The following MYO5C variants were observed in gnomAD, a reference collection of about 807,000 sequenced individuals.
The protein encoded by MYO5C is unconventional myosin-Vc.
Under a neutral mutation model 235.7 loss-of-function variants are expected in MYO5C, and 194 were observed. The observed-to-expected ratio is 0.82, with a 90% CI of 0.73 to 0.93. MYO5C has a LOEUF of 0.93. Ranked by LOEUF, MYO5C falls within the 40% of genes least tolerant of loss-of-function variation. The pLI is 0.00. For synonymous variants in MYO5C, 707 were observed against 754.8 expected (o/e 0.94, Z 1.04); for missense variants, 2,038 against 2,127.2 (o/e 0.96, Z 0.82).
chr15:52,255,845 CT>C (rs1368067010), intron 11 of MYO5C, among the ~76,000 whole-genome samples: 1 of 151,934 alleles, frequency 6.6e-6, no homozygotes, highest in East Asian at 1.9e-4. Flanking sequence ...ACAGTATACA[CT>C]CAAAAACGTC....
At chr15:52,218,764 G>A (rs1161751542) in intron 31 of MYO5C, 77 bp from the exon 32 acceptor site, 1 of 1,466,078 alleles carries the variant, frequency 6.8e-7, no homozygotes, top group East Asian at 2.3e-5. Flanking sequence ...AGCAAGTGCT[G>A]ATATTTCCAA....
At chr15:52,204,116 G>C (rs1331195173) in intron 38 of MYO5C, among the ~76,000 whole-genome samples, 1 of 152,086 alleles carries the variant, frequency 6.6e-6, no homozygotes, top group Non-Finnish European at 1.5e-5. Flanking sequence ...TCTCAATTAA[G>C]AGATAGTAGA....
intron 23 of MYO5C, among the ~76,000 whole-genome samples, chr15:52,233,228 G>A (rs1294192919): frequency 2.1e-5 from 1 of 46,710 alleles, no homozygotes; most frequent in East Asian, 2.5e-4. Context: ...GCAGTGAGCC[G>A]AGATCCCGCC....
intron 21 of MYO5C, among the ~76,000 whole-genome samples, chr15:52,238,884 A>T (rs910925898): frequency 5.3e-5 from 8 of 150,786 alleles, no homozygotes; most frequent in African/African-American, 2.0e-4. Flanking sequence ...CTCGTGATCC[A>T]CCCGCCTCAG....
chr15:52,280,889 A>T (rs1357155080), intron 2 of MYO5C, among the ~76,000 whole-genome samples: 2 of 152,154 alleles, frequency 1.3e-5, no homozygotes, highest in Non-Finnish European at 2.9e-5. Flanking sequence ...TTCCTTGTCC[A>T]TGGCGGGGGT....
Position 52,239,764 on chromosome 15 carries a change from A to T in MYO5C, c.2672T>A (p.Val891Asp). Residue 891 changes from valine (V) to aspartate (D), a missense_variant, in exon 21 of 41, where the codon GTC (valine) becomes GAC (aspartate). Val to Asp is a radical substitution (Grantham distance 152, BLOSUM62 -3). Coordinates refer to ENST00000261839, the MANE Select transcript of MYO5C (RefSeq NM_018728.4). ...FVLNIQLTYR[V>D]QRLQKKLEDQ... ...TTCCAACTTTTTCTGCAAACGCTGG[A>T]CCCTGTAAGTAAGCTGAATATTAAG... 6.2e-7 allele frequency: 1 copy of T among 1,611,600 alleles called. No homozygotes were observed. The highest frequency in any genetic ancestry group is 8.5e-7 in the Non-Finnish European group (1 of 1,178,522).
chr15:52,224,837 A>C, intron 28 of MYO5C, 64 bp downstream of exon 28: 1 of 1,370,214 alleles, frequency 7.3e-7, no homozygotes, highest in South Asian at 1.2e-5. Context: ...TAAACTTTGG[A>C]CTTTCCAATA....
chr15:52,245,576 T>C, intron 17 of MYO5C, 111 bp from the exon 18 acceptor site: 1 of 787,870 alleles, frequency 1.3e-6, no homozygotes, highest in Non-Finnish European at 2.3e-6. Context: ...TGGTGCAATC[T>C]GTCCTGAGGA....
intron 1 of MYO5C, among the ~76,000 whole-genome samples, chr15:52,292,398 A>C (rs769935917): frequency 1.3e-5 from 2 of 152,224 alleles, no homozygotes; most frequent in Non-Finnish European, 2.9e-5. Context: ...CACTAAGAAC[A>C]TAGGTTTTCA....
At chr15:52,270,723 G>A (rs2036905439) in intron 7 of MYO5C, among the ~76,000 whole-genome samples, 1 of 151,328 alleles carries the variant, frequency 6.6e-6, no homozygotes, top group Middle Eastern at 3.2e-3. Context: ...TACATCTAAT[G>A]TTTAAATAGT....
In MYO5C at chr15:52,229,299, CTT is replaced by C. The variant is rs1216984328; in HGVS notation, c.3039_3040del (p.Ser1014PhefsTer2). 4 of 1,613,260 alleles carry C rather than the reference CTT, an allele frequency of 2.5e-6. No homozygotes were observed. The highest frequency in any genetic ancestry group is 2.5e-6 in the Non-Finnish European group (3 of 1,179,944). On this transcript the variant is annotated frameshift_variant, in exon 25 of 41. Transcript: ENST00000261839. LOFTEE classifies it high-confidence loss of function. Reference sequence around the variant, plus strand: ...ATAGTCTTGTGTTTTCAGTTCAAAACTTTTTTCAAGAAGCCTACGCAGCAAAA... The same window carrying C: ...ATAGTCTTGTGTTTTCAGTTCAAAACTTTTCAAGAAGCCTACGCAGCAAAA...
In MYO5C at chr15:52,242,137, C is replaced by T; in HGVS notation, c.2467G>A (p.Val823Ile). Residue 823 changes from valine to isoleucine, a missense_variant, in exon 20 of 41, where the codon GTT (valine) becomes ATT (isoleucine). Coordinates refer to ENST00000261839, the MANE Select transcript of MYO5C (RefSeq NM_018728.4). ...CGAATCAACTGATACAGGCTGCGAA[C>T]AAGATACCCGCGGCAGTGCTTCTGA... The part of the protein sequence containing the change: ...IIQKHCRGYL[V>I]RSLYQLIRMA... 2 of 1,614,216 alleles carry T rather than the reference C, an allele frequency of 1.2e-6. No homozygotes were observed. Among genetic ancestry groups the T allele is most frequent in the Non-Finnish European group, 1.7e-6 (2 of 1,180,022 alleles).
intron 23 of MYO5C, among the ~76,000 whole-genome samples, chr15:52,233,397 G>A (rs1399977848): frequency 1.3e-5 from 2 of 152,122 alleles, no homozygotes; most frequent in African/African-American, 4.8e-5. Context: ...TTGCTACTTT[G>A]GGCTGGATAA....
intron 9 of MYO5C, among the ~76,000 whole-genome samples, chr15:52,262,813 A>G (rs1275341134): frequency 6.6e-6 from 1 of 152,258 alleles, no homozygotes; most frequent in African/African-American, 2.4e-5. Context: ...TTTGAGGGAC[A>G]TGAAAACAGA....
intron 1 of MYO5C, among the ~76,000 whole-genome samples, chr15:52,284,839 C>CT (rs367736735): frequency 0.012 from 1,690 of 141,278 alleles, 33 homozygotes; most frequent in African/African-American, 0.036. Flanking sequence ...TTCTTTCTTT[C>CT]TTTTTTTTTT....
Position 52,279,593 on chromosome 15 carries a change from C to A in MYO5C, c.220G>T (p.Ala74Ser). The A allele has an allele frequency of 6.2e-7, 1 of 1,614,110 alleles. No individual in the cohort carries two copies. The highest frequency in any genetic ancestry group is 1.1e-5 in the South Asian group (1 of 91,076). The change falls in exon 3 of 41, where the codon GCT becomes TCT. Residue 74 changes from alanine to serine, a missense_variant. Physicochemically the swap from Ala to Ser is moderately conservative, Grantham distance 99. Coordinates refer to ENST00000261839, the MANE Select transcript of MYO5C (RefSeq NM_018728.4). ...GCGGGCTCGTGAAGATAGCTGAGAG[C>A]CGTGAGGTCATTCTCGCCCACGAGG... ...DILVGENDLT[A>S]LSYLHEPAVL...
rs757745677 is a variant in MYO5C at position 52,245,385 on chromosome 15, A to T, written c.2147T>A (p.Val716Glu). ...GAGTCTGTGTAAAACCACCTTGCACACCTCCTTTTTATCGCTGAAGGAAAG... is the reference window on the plus strand; with the variant it reads ...GAGTCTGTGTAAAACCACCTTGCACTCCTCCTTTTTATCGCTGAAGGAAAG... ...QELSFSDKKEVCKVVLHRLIQ... is the reference protein window; with the variant it reads ...QELSFSDKKEECKVVLHRLIQ... Residue 716 changes from valine to glutamate, a missense_variant, in exon 18 of 41, where the codon GTG (valine) becomes GAG (glutamate). By Grantham distance (121) the Val-to-Glu change is moderately radical (BLOSUM62 -2). Coordinates refer to ENST00000261839, the MANE Select transcript of MYO5C (RefSeq NM_018728.4). The T allele has an allele frequency of 5.0e-6, 8 of 1,613,960 alleles. No homozygotes were observed. In the East Asian group the frequency reaches 1.6e-4, roughly 31 times the overall value.
In MYO5C at chr15:52,246,812, A is replaced by C. The variant is rs1175398895; in HGVS notation, c.1979+105T>G. ...CATTGTTCTGAATCATTAAAAAAAA[A>C]CCCAGAAACAGGGTAATCTCAAGAC... On this transcript the variant is annotated intron_variant, in intron 16 of 40. Transcript: ENST00000261839. The C allele has an allele frequency of 4.6e-5, 40 of 862,122 alleles. No homozygotes were observed. The Middle Eastern group carries it at 6.9e-4, about 15-fold the overall frequency. The allele number at this position is 862,122 out of a possible 1,614,324, so 53.4% of individuals were successfully genotyped here.
chr15:52,237,634 G>A lies in MYO5C; in HGVS notation c.2716C>T (p.His906Tyr), dbSNP rs1365001178. ...CTAGTCAGCTTCTCCACCAGCCCAT[G>A]GTTTTCTTTGTTCTAGAGAAAAGAA... ...KKLEDQNKEN[H>Y]GLVEKLTSLA... The change falls in exon 22 of 41, where the codon CAT (histidine) becomes TAT (tyrosine). Residue 906 changes from histidine (H) to tyrosine (Y), a missense_variant. By Grantham distance (83) the His-to-Tyr change is moderately conservative. Transcript: ENST00000261839. The A allele has an allele frequency of 6.2e-7, 1 of 1,611,920 alleles. No individual in the cohort carries two copies. Among genetic ancestry groups the A allele is most frequent in the African/African-American group, 1.3e-5 (1 of 74,800 alleles).
Sources: gnomAD v4.1 joint callset for allele counts (sites outside exome capture counted in the v4.1 genomes callset) on GRCh38, gnomAD v4.1.1 for gene constraint, MANE v1.5 for transcripts, NCBI Gene and HGNC (gene_info 2026-07-23, HGNC 2026-07-21) for gene names.